The following CPB1 variants were observed in gnomAD, a reference collection of about 807,000 sequenced individuals.
CPB1 encodes the protein carboxypeptidase B.
Under a neutral mutation model 51.4 loss-of-function variants are expected in CPB1, and 53 were observed. The observed-to-expected ratio is 1.03, with a 90% CI of 0.83 to 1.30. The LOEUF (loss-of-function observed/expected upper bound fraction) is 1.30. Among genes scored for constraint, CPB1 ranks in the 50% most tolerant of loss-of-function variants. The pLI, the probability that CPB1 is intolerant of heterozygous loss-of-function variation, is 0.00. For missense variants in CPB1, 494 were observed against 516.2 expected (o/e 0.96, Z 0.42); for synonymous variants, 189 against 186.9 (o/e 1.01, Z -0.09).
chr3:148,858,440 C>T (rs1459061937), intron 10 of CPB1, among the ~76,000 whole-genome samples: 4 of 151,798 alleles, frequency 2.6e-5, no homozygotes, highest in African/African-American at 4.8e-5. Context: ...GGCGTGGTGG[C>T]GGGCACCTGT....
At chr3:148,851,334 CAAAAAAAAAAAAAA>C (rs59423779) in intron 9 of CPB1, 1 of 82,082 alleles carries the variant, frequency 1.2e-5, no homozygotes. Context: ...GACCCTGTCT[CAAAAAAAAAAAAAA>C]AAAAAAAAGA....
rs1397079379 is a variant in CPB1 at position 148,828,078 on chromosome 3, G to C, written c.147+1G>C. 2.5e-6 allele frequency: 4 copies of C among 1,611,548 alleles called. No homozygotes were observed. In the East Asian group the frequency reaches 8.9e-5, roughly 36 times the overall value. Reference sequence around the variant, plus strand: ...CCGCGAGTTGGCCAGCACGACCCAGGTAAGTAACAATTTTGATTTACTTCA... The same window carrying C: ...CCGCGAGTTGGCCAGCACGACCCAGCTAAGTAACAATTTTGATTTACTTCA... On this transcript the variant is annotated splice_donor_variant, in intron 2 of 10. Coordinates refer to ENST00000282957, the MANE Select transcript of CPB1 (RefSeq NM_001871.3). LOFTEE classifies it high-confidence loss of function.
chr3:148,848,808 T>C (rs1415536310), intron 9 of CPB1, among the ~76,000 whole-genome samples: 1 of 152,216 alleles, frequency 6.6e-6, no homozygotes, highest in Non-Finnish European at 1.5e-5. Flanking sequence ...TTATATGGAT[T>C]GCAGAGAAGA....
At chr3:148,838,747 A>C (rs954023379) in intron 3 of CPB1, among the ~76,000 whole-genome samples, 3 of 152,188 alleles carry the variant, frequency 2.0e-5, no homozygotes, top group African/African-American at 7.2e-5. Context: ...TTGGATATTT[A>C]CTAATCAAAT....
At chr3:148,828,556 G>C (rs1345884351) in intron 2 of CPB1, among the ~76,000 whole-genome samples, 2 of 152,074 alleles carry the variant, frequency 1.3e-5, no homozygotes, top group African/African-American at 2.4e-5. Flanking sequence ...TGACGTGAGG[G>C]GGAAAAAGAG....
Position 148,840,788 on chromosome 3 carries a change from A to G in CPB1, c.372+3A>G. ...AGAAGTACAACAAGTGGGAAACGGTATGATGTGCACATGATTTAGACAGAT... is the reference window on the plus strand; with the variant it reads ...AGAAGTACAACAAGTGGGAAACGGTGTGATGTGCACATGATTTAGACAGAT... On this transcript the variant is annotated splice_donor_region_variant and intron_variant, in intron 4 of 10. Transcript: ENST00000282957. 1.2e-6 allele frequency: 2 copies of G among 1,613,838 alleles called. No individual in the cohort carries two copies. The highest frequency in any genetic ancestry group is 2.2e-5 in the South Asian group (2 of 91,070).
rs1206990926 is a variant in CPB1 at position 148,855,602 on chromosome 3, A to AT, written c.982-1855_982-1854insT. ...AAATATATTGAGAGACTTGAAAGAC[A>AT]ATCAATCAACACACGAGTCCAATAG... On this transcript the variant is annotated intron_variant, in intron 9 of 10. Coordinates refer to ENST00000282957, the MANE Select transcript of CPB1 (RefSeq NM_001871.3). The AT allele has an allele frequency of 2.6e-5, 4 of 152,372 alleles. No homozygotes were observed. In the East Asian group the frequency reaches 7.7e-4, roughly 29 times the overall value. The allele number at this position is 152,372 out of a possible 1,614,324, so 9.4% of individuals were successfully genotyped here.
At chr3:148,842,009 C>G in intron 6 of CPB1, 85 bp downstream of exon 6, 1 of 1,054,804 alleles carries the variant, frequency 9.5e-7, no homozygotes. Context: ...AGAATAATAA[C>G]ACAGAAAAAA....
At chr3:148,840,320 G>GT (rs1713037126) in intron 3 of CPB1, among the ~76,000 whole-genome samples, 6 of 134,890 alleles carry the variant, frequency 4.4e-5, no homozygotes, top group Non-Finnish European at 1.0e-4. Flanking sequence ...CCAAAGATAG[G>GT]TTTTGAGTAC....
Position 148,859,926 on chromosome 3 carries a change from A to T in CPB1, c.1178A>T (p.Gln393Leu). 1.2e-6 allele frequency: 2 copies of T among 1,614,182 alleles called. No homozygotes were observed. Among genetic ancestry groups the T allele is most frequent in the African/African-American group, 2.7e-5 (2 of 75,042 alleles). The change falls in exon 11 of 11, where the codon CAG becomes CTG. Residue 393 changes from glutamine to leucine, a missense_variant. By Grantham distance (113) the Gln-to-Leu change is moderately radical. Transcript: ENST00000282957. The part of the protein sequence containing the change: ...GRYGFLLPES[Q>L]IRATCEETFL... ...TATGGCTTTCTCCTTCCAGAATCCC[A>T]GATCCGGGCTACCTGCGAGGAGACC... is the stretch of plus-strand genomic sequence containing the variant.
intron 9 of CPB1, among the ~76,000 whole-genome samples, chr3:148,847,398 A>AG (rs1315945473): frequency 3.9e-5 from 5 of 129,030 alleles, no homozygotes; most frequent in African/African-American, 5.9e-5. Context: ...AAAAAAAAAG[A>AG]CAAGTAAGTC....
At chr3:148,839,178 A>T (rs767325369) in intron 3 of CPB1, among the ~76,000 whole-genome samples, 6 of 152,180 alleles carry the variant, frequency 3.9e-5, no homozygotes, top group Non-Finnish European at 7.3e-5. Flanking sequence ...GGATGTGAGG[A>T]CTTTATCCCC....
intron 5 of CPB1, 66 bp from the exon 6 acceptor site, chr3:148,841,757 G>C: frequency 7.7e-7 from 1 of 1,296,122 alleles, no homozygotes; most frequent in Non-Finnish European, 1.1e-6. Flanking sequence ...CAGATGGGTA[G>C]TGGAGGTTAA....
At chr3:148,839,632 G>T (rs545116849) in intron 3 of CPB1, among the ~76,000 whole-genome samples, 4 of 152,114 alleles carry the variant, frequency 2.6e-5, no homozygotes, top group Admixed American at 2.0e-4. Flanking sequence ...ACACAAGTTC[G>T]TACCCAAGTT....
chr3:148,841,985 C>A, intron 6 of CPB1, 61 bp downstream of exon 6: 1 of 1,228,192 alleles, frequency 8.1e-7, no homozygotes, highest in Non-Finnish European at 1.2e-6. Flanking sequence ...CAATTAATTC[C>A]TTAAAACCTA....
chr3:148,845,038 G>A (rs1005921359), intron 8 of CPB1, among the ~76,000 whole-genome samples: 1 of 152,100 alleles, frequency 6.6e-6, no homozygotes, highest in African/African-American at 2.4e-5. Flanking sequence ...ATAGTCTAGA[G>A]GGGGAGACAG....
intron 3 of CPB1, among the ~76,000 whole-genome samples, chr3:148,835,525 A>G (rs1354288165): frequency 1.3e-5 from 2 of 152,192 alleles, no homozygotes; most frequent in Admixed American, 6.5e-5. Flanking sequence ...GAAAAACCAT[A>G]CTTTAGGAAG....
rs574451489 is a variant in CPB1, at chr3:148,844,647, A to G, written c.688-30A>G. Reference sequence around the variant, plus strand: ...ATTAAAACCAACGCCTCTCTATTATATTTGTCCTAACTATGTAGTCCACTT... The same window carrying G: ...ATTAAAACCAACGCCTCTCTATTATGTTTGTCCTAACTATGTAGTCCACTT... On this transcript the variant is annotated intron_variant, in intron 7 of 10. Transcript: ENST00000282957. The G allele has an allele frequency of 6.2e-6, 10 of 1,612,854 alleles. No homozygotes were observed. In the Admixed American group the frequency reaches 1.2e-4, roughly 19 times the overall value.
At chr3:148,846,768 T>C (rs1275011088) in intron 9 of CPB1, among the ~76,000 whole-genome samples, 1 of 120,224 alleles carries the variant, frequency 8.3e-6, no homozygotes, top group Non-Finnish European at 1.7e-5. Flanking sequence ...TATATATATA[T>C]ATACACATAT....
Sources: allele counts gnomAD v4.1 joint callset (sites outside exome capture counted in the v4.1 genomes callset), GRCh38; gene constraint gnomAD v4.1.1; transcripts MANE v1.5; gene names NCBI Gene and HGNC (gene_info 2026-07-23, HGNC 2026-07-21).